MED15: variants seen among roughly 807,000 people sequenced by gnomAD.
The protein encoded by MED15 is mediator of RNA polymerase II transcription subunit 15.
MED15 carries 41 observed loss-of-function variants against 118.7 expected under a neutral mutation model. The ratio of observed to expected loss-of-function variants is 0.35; its 90% CI spans 0.27 to 0.45. The LOEUF (loss-of-function observed/expected upper bound fraction) is 0.45. MED15 is among the 20% of genes least tolerant of loss of function. MED15 has a pLI of 1.00. For synonymous variants in MED15, 436 were observed against 413.9 expected, an observed-to-expected ratio of 1.05 and a Z score of -0.65; for missense variants, 740 against 1,025.5, an observed-to-expected ratio of 0.72 and a Z score of 3.80.
chr22:20,570,746 C>CTTTTTTTTTTTTTTTTTTTTTTTTTT (rs61109389), intron 8 of MED15, among the ~76,000 whole-genome samples: 48 of 62,074 alleles, frequency 7.7e-4, no homozygotes, highest in Non-Finnish European at 9.3e-4. Context: ...TTCTTTCTTT[C>CTTTTTTTTTTTTTTTTTTTTTTTTTT]TTTTTTTTTT....
intron 9 of MED15, among the ~76,000 whole-genome samples, chr22:20,577,512 G>GTC (rs372894501): frequency 1.1e-4 from 16 of 151,502 alleles, no homozygotes; most frequent in African/African-American, 1.2e-4. Context: ...CAGCTAATAG[G>GTC]TCTCTCTCTC....
At chr22:20,569,548 G>A (rs774024524) in intron 8 of MED15, among the ~76,000 whole-genome samples, 3 of 152,214 alleles carry the variant, frequency 2.0e-5, no homozygotes, top group South Asian at 2.1e-4. Context: ...ACAGTGCCTC[G>A]TGGCAGGCTT....
At chr22:20,567,606 G>A (rs165727) in intron 7 of MED15, among the ~76,000 whole-genome samples, 3 of 152,132 alleles carry the variant, frequency 2.0e-5, no homozygotes, top group South Asian at 2.1e-4. Flanking sequence ...GCCTGACCCC[G>A]GGGACTGTGC....
chr22:20,576,047 C>T (rs2056815438), intron 9 of MED15, among the ~76,000 whole-genome samples: 1 of 151,710 alleles, frequency 6.6e-6, no homozygotes, highest in African/African-American at 2.4e-5. Flanking sequence ...GACAGGAATT[C>T]CCGGCTTCTT....
At position 20,586,718 on chromosome 22, in the gene MED15, G is replaced by A. The variant is rs745843384; in HGVS notation, c.*14G>A. 9 of 1,611,742 alleles carry A rather than the reference G, an allele frequency of 5.6e-6. No individual in the cohort carries two copies. The Admixed American group carries it at 1.5e-4, about 27-fold the overall frequency. ...TCAGCCGCCTAGCCAAGACTGCAGG[G>A]ATGGCCCGCAGCCTCATCGGGGCCA... On this transcript the variant is annotated 3_prime_UTR_variant, in exon 18 of 18. Coordinates refer to ENST00000263205, the MANE Select transcript of MED15 (RefSeq NM_001003891.3).
intron 1 of MED15, among the ~76,000 whole-genome samples, chr22:20,520,446 T>G (rs2054405750): frequency 6.6e-6 from 1 of 152,218 alleles, no homozygotes; most frequent in African/African-American, 2.4e-5. Flanking sequence ...TCTGCTTTGA[T>G]TCGTGTGAGG....
intron 2 of MED15, among the ~76,000 whole-genome samples, chr22:20,538,709 C>CGTGT (rs35881423): frequency 6.6e-6 from 1 of 151,196 alleles, no homozygotes; most frequent in Non-Finnish European, 1.5e-5. Context: ...TTTGTTTGTG[C>CGTGT]GTGTGTGTGT....
chr22:20,582,444 G>A, intron 9 of MED15, 167 bp from the exon 10 acceptor site: 1 of 1,129,358 alleles, frequency 8.9e-7, no homozygotes, highest in South Asian at 1.5e-5. Context: ...CTGTGTGCCA[G>A]GCTGGGGGAG....
At chr22:20,510,441 G>A (rs2054023860) in intron 1 of MED15, among the ~76,000 whole-genome samples, 1 of 152,158 alleles carries the variant, frequency 6.6e-6, no homozygotes, top group African/African-American at 2.4e-5. Flanking sequence ...GTAGGTCAGA[G>A]GTCCAAGTAG....
chr22:20,516,692 C>T (rs556295615), intron 1 of MED15, among the ~76,000 whole-genome samples: 3 of 152,280 alleles, frequency 2.0e-5, no homozygotes, highest in Admixed American at 2.0e-4. Context: ...GATTATCTCC[C>T]TGCCACTATC....
intron 8 of MED15, among the ~76,000 whole-genome samples, chr22:20,569,539 C>T (rs183174374): frequency 2.1e-4 from 32 of 152,294 alleles, no homozygotes; most frequent in African/African-American, 7.7e-4. Context: ...CCTGGGTGCA[C>T]AGTGCCTCGT....
rs551574733 is a variant in MED15, at chr22:20,570,455, G to A, written c.1152+1824G>A. ...CATCCAGGCTGGATTGCAGTTTTGC[G>A]ATCTCGGCTCACTGCAACTTCTGCC... On this transcript the variant is annotated intron_variant, in intron 8 of 17. Transcript: ENST00000263205. Among the ~76,000 whole-genome samples the A allele has an allele frequency of 7.4e-5, 11 of 148,206 alleles. No individual in the cohort carries two copies. The South Asian group carries it at 1.7e-3, about 23-fold the overall frequency.
intron 9 of MED15, among the ~76,000 whole-genome samples, chr22:20,578,423 G>A (rs1012224650): frequency 2.6e-5 from 4 of 152,176 alleles, no homozygotes; most frequent in African/African-American, 7.2e-5. Context: ...AGCCCTCTAC[G>A]TCCGGCTGCA....
At chr22:20,544,914 T>C (rs1412875503) in intron 2 of MED15, among the ~76,000 whole-genome samples, 1 of 152,198 alleles carries the variant, frequency 6.6e-6, no homozygotes, top group African/African-American at 2.4e-5. Flanking sequence ...CTTCTCTGTG[T>C]GTGTGAACTT....
chr22:20,534,156 AC>A (rs2054966309), intron 1 of MED15, among the ~76,000 whole-genome samples: 1 of 151,906 alleles, frequency 6.6e-6, no homozygotes, highest in Admixed American at 6.6e-5. Flanking sequence ...CACATCTGCC[AC>A]CCACAGCCTC....
intron 1 of MED15, among the ~76,000 whole-genome samples, chr22:20,528,595 C>G (rs1431065748): frequency 2.6e-5 from 4 of 152,184 alleles, no homozygotes; most frequent in African/African-American, 7.2e-5. Flanking sequence ...CAGACCTGTA[C>G]TGGTCTGTGG....
rs1432747353 is a variant in MED15 at position 20,575,102 on chromosome 22, T to C, written c.1153-11T>C. On this transcript the variant is annotated splice_polypyrimidine_tract_variant and intron_variant, in intron 8 of 17. Transcript: ENST00000263205. ...GCGATCACCTTGTCTGTTGTCCCTC[T>C]GTCCTCAAAGATGATCACGGAAGCC... 1.2e-6 allele frequency: 2 copies of C among 1,613,530 alleles called. No individual in the cohort carries two copies. The highest frequency in any genetic ancestry group is 8.5e-7 in the Non-Finnish European group (1 of 1,180,028).
intron 2 of MED15, among the ~76,000 whole-genome samples, chr22:20,542,841 T>A (rs1322854375): frequency 6.6e-6 from 1 of 152,222 alleles, no homozygotes; most frequent in Admixed American, 6.5e-5. Flanking sequence ...TCTCCACAGA[T>A]CTTTCCTAGA....
intron 7 of MED15, among the ~76,000 whole-genome samples, chr22:20,567,103 G>T (rs1191821491): frequency 6.6e-6 from 1 of 152,206 alleles, no homozygotes; most frequent in Non-Finnish European, 1.5e-5. Flanking sequence ...CAGCAGTTCT[G>T]TGGGCCCTTT....
Sources: allele counts gnomAD v4.1 joint callset (sites outside exome capture counted in the v4.1 genomes callset), GRCh38; gene constraint gnomAD v4.1.1; transcripts MANE v1.5; gene names NCBI Gene and HGNC (gene_info 2026-07-23, HGNC 2026-07-21).